The following ANK2 variants were observed in gnomAD, a reference collection of about 807,000 sequenced individuals.
The protein encoded by ANK2 is ankyrin 2, also known as ankyrin-2.
In ANK2, 83 loss-of-function variants were observed where a neutral mutation model predicts 360.5. The observed-to-expected ratio is 0.23, with a 90% CI of 0.19 to 0.28. ANK2 has a LOEUF of 0.28. Among genes scored for constraint, ANK2 ranks in the 10% least tolerant of loss-of-function variants. ANK2 has a pLI of 1.00. For synonymous variants in ANK2, 1,740 were observed against 1,759.5 expected (o/e 0.99, Z 0.28); for missense variants, 4,201 against 4,795.7 (o/e 0.88, Z 3.66).
At chr4:113,288,302 C>T in intron 19 of ANK2, 86 bp from the exon 20 acceptor site, 1 of 1,098,504 alleles carries the variant, frequency 9.1e-7, no homozygotes, top group East Asian at 2.5e-5. Context: ...TGATACTCTA[C>T]CCAGTCCTTC....
intron 26 of ANK2, chr4:113,323,678 T>C (rs1025257841): frequency 6.5e-6 from 9 of 1,375,370 alleles, no homozygotes; most frequent in Non-Finnish European, 9.1e-6. Context: ...GGTGTATAAA[T>C]AATAAGTCAC....
At chr4:113,236,139 TG>T (rs143193797) in intron 5 of ANK2, among the ~76,000 whole-genome samples, 4,271 of 152,196 alleles carry the variant, frequency 0.028, 98 homozygotes, top group East Asian at 0.067. Flanking sequence ...GGATTAAGGA[TG>T]TTTTTTTTTT....
chr4:113,021,510 G>T (rs2058062500), intron 2 of ANK2, among the ~76,000 whole-genome samples: 1 of 81,308 alleles, frequency 1.2e-5, no homozygotes, highest in Non-Finnish European at 2.8e-5. Flanking sequence ...TATATTATGT[G>T]TATATATACA....
At position 113,317,754 on chromosome 4, in the gene ANK2, C is replaced by T. The variant is rs1265907937; in HGVS notation, c.2741C>T (p.Ser914Phe). 2 of 1,614,162 alleles carry T rather than the reference C, an allele frequency of 1.2e-6. No individual in the cohort carries two copies. The highest frequency in any genetic ancestry group is 1.7e-6 in the Non-Finnish European group (2 of 1,180,022). The part of the protein sequence containing the change: ...SDRSHTLSHA[S>F]YLRDSAVMDD... ...AGGTCTCACACTCTGAGCCATGCCT[C>T]CTACCTGAGGGACAGTGCCGTGATG... is the stretch of plus-strand genomic sequence containing the variant. The change falls in exon 25 of 46, where the codon TCC (serine) becomes TTC (phenylalanine). Residue 914 changes from serine (S) to phenylalanine (F), a missense_variant. Ser to Phe is a radical substitution (Grantham distance 155). Around this residue, in one of 4 missense-constraint regions of ANK2, gnomAD observed 1,268 missense variants for 1,650.8 expected, o/e 0.77. Transcript: ENST00000357077.
chr4:113,077,040 A>G (rs551620322), intron 1 of ANK2, among the ~76,000 whole-genome samples: 1 of 152,102 alleles, frequency 6.6e-6, no homozygotes, highest in Admixed American at 6.6e-5. Context: ...AAGGAAGGGA[A>G]GAAGGAACAT....
intron 1 of ANK2, among the ~76,000 whole-genome samples, chr4:113,105,884 A>G (rs1301668657): frequency 6.6e-6 from 1 of 152,208 alleles, no homozygotes; most frequent in Admixed American, 6.5e-5. Context: ...AATTCGTTAT[A>G]CATATTTTGA....
rs143807709 is a variant in ANK2, at chr4:113,266,010, A to G, written c.1485+1015A>G. On this transcript the variant is annotated intron_variant, in intron 14 of 45. Transcript: ENST00000357077. ...TCTGGGATATATGTGCAGAATGTGC[A>G]GGTTTGTTACATAGGTATATATGTG... 8.3e-3 allele frequency among the ~76,000 whole-genome samples: 1,267 copies of G among 152,288 alleles called. 24 individuals are homozygous for G. The highest frequency in any genetic ancestry group is 0.029 in the African/African-American group (1,188 of 41,550).
intron 4 of ANK2, among the ~76,000 whole-genome samples, chr4:113,201,346 G>A (rs2098827664): frequency 6.6e-6 from 1 of 152,110 alleles, no homozygotes; most frequent in Non-Finnish European, 1.5e-5. Context: ...GTTCTGGAGT[G>A]GAGCTGGGCA....
At chr4:112,714,587 A>G in the ANK2 span, among the ~76,000 whole-genome samples, 1 of 152,268 alleles carries the variant, frequency 6.6e-6, no homozygotes, top group East Asian at 1.9e-4. Context: ...ACTGCATACA[A>G]TAAAACTATA....
At chr4:113,170,075 G>A (rs569271754) in intron 1 of ANK2, among the ~76,000 whole-genome samples, 9 of 152,224 alleles carry the variant, frequency 5.9e-5, no homozygotes, top group Non-Finnish European at 1.2e-4. Context: ...CCTACTTCAA[G>A]CTAATAAAAC....
At chr4:112,898,161 T>G (rs940056246) in intron 1 of ANK2, among the ~76,000 whole-genome samples, 4 of 152,180 alleles carry the variant, frequency 2.6e-5, no homozygotes, top group African/African-American at 9.6e-5. Flanking sequence ...ATTAACATTT[T>G]ATATTAGCAT....
the ANK2 span, among the ~76,000 whole-genome samples, chr4:112,715,727 C>T: frequency 3.3e-5 from 5 of 152,124 alleles, no homozygotes; most frequent in African/African-American, 9.7e-5. Flanking sequence ...CAGACACAAG[C>T]TCTAAGCTCT....
intron 22 of ANK2, among the ~76,000 whole-genome samples, chr4:113,299,636 C>T (rs1563544726): frequency 6.8e-6 from 1 of 147,734 alleles, no homozygotes; most frequent in South Asian, 2.1e-4. Flanking sequence ...ACCTGGAAGG[C>T]GGAGGTTGCA....
rs538325011 is a variant in ANK2 at position 113,346,454 on chromosome 4, C to T, written c.4371+432C>T. On this transcript the variant is annotated intron_variant, in intron 35 of 45. Transcript: ENST00000357077. ...AGAGTTCATCACCTTCTGTTTACTA[C>T]CAATTCACAGGTGGCTTACATATTA... Among the ~76,000 whole-genome samples, 7 of 152,254 alleles carry T rather than the reference C, an allele frequency of 4.6e-5. No individual in the cohort carries two copies. The South Asian group carries it at 8.3e-4, about 18-fold the overall frequency.
At chr4:112,815,027 T>A (rs2055537342), upstream of ANK2, among the ~76,000 whole-genome samples, 2 of 147,366 alleles carry the variant, frequency 1.4e-5, no homozygotes, top group African/African-American at 5.1e-5. Context: ...TTTTTTTTTT[T>A]ATGATGGAGT....
Position 113,020,425 on chromosome 4 carries a change from G to A in ANK2, c.21+115911G>A, listed in dbSNP as rs1398845986. 5.3e-5 allele frequency among the ~76,000 whole-genome samples: 8 copies of A among 152,138 alleles called. No individual in the cohort carries two copies. In the East Asian group the frequency reaches 9.7e-4, roughly 18 times the overall value. On this transcript the variant is annotated intron_variant, in intron 2 of 30. Coordinates refer to the ANK2 transcript ENST00000503271. Reference sequence around the variant, plus strand: ...TGTGCAGGCTGATCTCTAACTCCTGGGCTCAAGCTATCTCCCCACTTTGCC... The same window carrying A: ...TGTGCAGGCTGATCTCTAACTCCTGAGCTCAAGCTATCTCCCCACTTTGCC...
chr4:113,250,994 C>A (rs1018327807), intron 10 of ANK2, among the ~76,000 whole-genome samples: 1 of 152,004 alleles, frequency 6.6e-6, no homozygotes, highest in Non-Finnish European at 1.5e-5. Context: ...AATAATTATC[C>A]GCGTTACTTT....
the ANK2 span, among the ~76,000 whole-genome samples, chr4:112,738,480 G>A: frequency 6.6e-6 from 1 of 151,304 alleles, no homozygotes; most frequent in South Asian, 2.1e-4. Flanking sequence ...AGGTAATTAA[G>A]CAAGTGATTT....
chr4:113,269,143 C>T (rs1047145503), intron 14 of ANK2, among the ~76,000 whole-genome samples: 9 of 152,172 alleles, frequency 5.9e-5, no homozygotes, highest in African/African-American at 1.2e-4. Context: ...CTGGAGCCTC[C>T]CAGATTAACT....
Sources: allele counts gnomAD v4.1 joint callset (sites outside exome capture counted in the v4.1 genomes callset), GRCh38; gene constraint gnomAD v4.1.1; regional missense constraint gnomAD v4.1.1; transcripts MANE v1.5; gene names NCBI Gene and HGNC (gene_info 2026-07-23, HGNC 2026-07-21).